SLC9A6: variants seen among roughly 807,000 people sequenced by gnomAD.
SLC9A6 encodes solute carrier family 9 member A6.
SLC9A6 carries 6 observed loss-of-function variants against 45.3 expected under a neutral mutation model. That is an observed-to-expected ratio of 0.13 (90% CI 0.07 to 0.26). The LOEUF (loss-of-function observed/expected upper bound fraction) is 0.26. SLC9A6 is among the 10% of genes least tolerant of loss of function. SLC9A6 has a pLI of 1.00. For synonymous variants in SLC9A6, 191 were observed against 187.7 expected, an observed-to-expected ratio of 1.02 and a Z score of -0.14; for missense variants, 278 against 503.7, an observed-to-expected ratio of 0.55 and a Z score of 4.29.
At chrX:136,024,759 T>G (rs963637642) in intron 13 of SLC9A6, among the ~76,000 whole-genome samples, 1 of 112,012 alleles carries the variant, frequency 8.9e-6, no homozygotes, top group Non-Finnish European at 1.9e-5. Flanking sequence ...AGCCTGATTT[T>G]TAAATGTAAT....
intron 1 of SLC9A6, chrX:135,974,786 C>G: frequency 3.1e-6 from 1 of 321,146 alleles, no homozygotes; most frequent in Non-Finnish European, 6.3e-6. Flanking sequence ...ATTTTAAGGT[C>G]CTGGAGAAAG....
At chrX:135,980,391 A>G (rs1556613833), upstream of SLC9A6, among the ~76,000 whole-genome samples, 1 of 109,456 alleles carries the variant, frequency 9.1e-6, no homozygotes, top group Non-Finnish European at 1.9e-5. Flanking sequence ...CCAACGAATC[A>G]ATGACTGTGT....
At chrX:135,992,759 C>CAT (rs1228178394) in intron 2 of SLC9A6, among the ~76,000 whole-genome samples, 10 of 110,746 alleles carry the variant, frequency 9.0e-5, no homozygotes, top group Non-Finnish European at 1.1e-4. Flanking sequence ...ACCTTGTATA[C>CAT]ATATATATAT....
chrX:136,002,244 A>C, intron 7 of SLC9A6, 31 bp downstream of exon 7: 1 of 963,072 alleles, frequency 1.0e-6, no homozygotes, highest in Non-Finnish European at 1.5e-6. Flanking sequence ...TATATTCTGA[A>C]TATTAAGTGT....
At chrX:136,022,971 T>C (rs2071155434) in intron 12 of SLC9A6, among the ~76,000 whole-genome samples, 1 of 106,122 alleles carries the variant, frequency 9.4e-6, no homozygotes, top group Admixed American at 1.0e-4. Flanking sequence ...CCAATATGCC[T>C]GGCTAATTTT....
chrX:136,036,730 A>G (rs1209623501), intron 16 of SLC9A6, among the ~76,000 whole-genome samples: 1 of 112,764 alleles, frequency 8.9e-6, no homozygotes, highest in Non-Finnish European at 1.9e-5. Context: ...TGCCCAGGCT[A>G]GAAGTCCATT....
chrX:135,997,205 C>T (rs1220037514), intron 3 of SLC9A6, among the ~76,000 whole-genome samples: 1 of 109,936 alleles, frequency 9.1e-6, no homozygotes, highest in Non-Finnish European at 1.9e-5. Flanking sequence ...TACAGGCATG[C>T]ACCACCATAC....
chrX:136,042,925 T>C (rs113075906), intron 17 of SLC9A6, among the ~76,000 whole-genome samples: 3,052 of 112,108 alleles, frequency 0.027, 96 homozygotes, highest in African/African-American at 0.093. Context: ...TTATAAACAA[T>C]ACTTATAGTG....
chrX:136,009,642 T>C (rs1463138992), intron 7 of SLC9A6, among the ~76,000 whole-genome samples: 1 of 112,641 alleles, frequency 8.9e-6, no homozygotes. Context: ...GCCAAAGACC[T>C]GCTGGCAACA....
rs2089535624 is a variant in SLC9A6, at chrX:135,998,469, T to TA, written c.448-13_448-12insA. On this transcript the variant is annotated splice_polypyrimidine_tract_variant and intron_variant, in intron 4 of 17. Coordinates refer to ENST00000630721, the MANE Select transcript of SLC9A6 (RefSeq NM_001379110.1). ...TAAGTATTCTAACAGTGTAACTTTT[T>TA]TTTTTTTGTCAGAGACATTTTTTTC... 8.8e-7 allele frequency: 1 copy of TA among 1,139,939 alleles called. No individual in the cohort carries two copies. Among genetic ancestry groups the TA allele is most frequent in the Non-Finnish European group, 1.2e-6 (1 of 856,590 alleles). 93.9% of individuals were successfully genotyped at this position (1,139,939 alleles called of 1,213,427 possible). A position where few individuals can be genotyped will look rare whatever the true frequency, so the allele number is the denominator to read the frequency against.
chrX:135,998,284 C>T (rs782244464), intron 4 of SLC9A6, 99 bp downstream of exon 4: 2 of 586,615 alleles, frequency 3.4e-6, no homozygotes, highest in East Asian at 3.3e-5. Flanking sequence ...TCCAGATTAC[C>T]CTCCTTTCTC....
intron 8 of SLC9A6, among the ~76,000 whole-genome samples, chrX:136,012,408 C>T (rs991218379): frequency 3.6e-5 from 4 of 112,563 alleles, no homozygotes; most frequent in African/African-American, 9.7e-5. Context: ...TGAGATTGGT[C>T]GTAACTTGGC....
chrX:136,032,175 C>G (rs1464595399), intron 15 of SLC9A6, among the ~76,000 whole-genome samples: 1 of 112,276 alleles, frequency 8.9e-6, no homozygotes, highest in Non-Finnish European at 1.9e-5. Context: ...TCAAGCAATT[C>G]TCTTGCCTCA....
intron 1 of SLC9A6, among the ~76,000 whole-genome samples, chrX:135,975,526 T>A (rs1489433869): frequency 8.9e-6 from 1 of 112,511 alleles, no homozygotes; most frequent in Non-Finnish European, 1.9e-5. Flanking sequence ...TTACTGTCTG[T>A]CTTTCCCCAC....
intron 17 of SLC9A6, among the ~76,000 whole-genome samples, chrX:136,041,851 A>G (rs1261616545): frequency 8.9e-6 from 1 of 111,925 alleles, no homozygotes; most frequent in Non-Finnish European, 1.9e-5. Context: ...CTAGGCTGTG[A>G]GGGAGAATCT....
intron 1 of SLC9A6, among the ~76,000 whole-genome samples, chrX:135,979,262 A>C (rs1271175150): frequency 9.0e-6 from 1 of 111,487 alleles, no homozygotes; most frequent in Non-Finnish European, 1.9e-5. Flanking sequence ...TTTGTTCCAC[A>C]TGAATATAGG....
At chrX:136,028,248 A>T (rs190250414) in intron 13 of SLC9A6, among the ~76,000 whole-genome samples, 2 of 112,443 alleles carry the variant, frequency 1.8e-5, no homozygotes, top group East Asian at 5.6e-4. Flanking sequence ...TGTGTGGTGG[A>T]TATTAGCCCC....
At chrX:136,003,163 A>G (rs1356908538) in intron 7 of SLC9A6, among the ~76,000 whole-genome samples, 3 of 108,419 alleles carry the variant, frequency 2.8e-5, no homozygotes, top group Non-Finnish European at 5.7e-5. Flanking sequence ...TAATTTTTGT[A>G]TTTTTAGTAG....
intron 11 of SLC9A6, among the ~76,000 whole-genome samples, chrX:136,017,932 C>T (rs2071051624): frequency 9.0e-6 from 1 of 111,409 alleles, no homozygotes; most frequent in Admixed American, 9.6e-5. Flanking sequence ...CAACTCACAT[C>T]ACTGTCAGCA....
Sources: allele counts gnomAD v4.1 joint callset (sites outside exome capture counted in the v4.1 genomes callset), GRCh38; gene constraint gnomAD v4.1.1; transcripts MANE v1.5; gene names NCBI Gene and HGNC (gene_info 2026-07-23, HGNC 2026-07-21).